The following GABPB2 variants were observed in gnomAD, a reference collection of about 807,000 sequenced individuals.
The protein encoded by GABPB2 is GA-binding protein subunit beta-2.
Under a neutral mutation model 39.1 loss-of-function variants are expected in GABPB2, and 23 were observed. That is an observed-to-expected ratio of 0.59 (90% CI 0.42 to 0.83). The LOEUF is 0.83. GABPB2 is among the 40% of genes least tolerant of loss of function. The pLI is 0.00. For synonymous variants in GABPB2, 184 were observed against 199.3 expected (o/e 0.92, Z 0.65); for missense variants, 467 against 541.1 (o/e 0.86, Z 1.36).
At chr1:151,111,392 C>A (rs2101561181) in intron 7 of GABPB2, among the ~76,000 whole-genome samples, 1 of 145,806 alleles carries the variant, frequency 6.9e-6, no homozygotes, top group African/African-American at 2.6e-5. Context: ...TACAAGGCGC[C>A]CACCACCGCC....
chr1:151,105,441 A>G (rs1436988661), intron 6 of GABPB2, among the ~76,000 whole-genome samples: 8 of 148,594 alleles, frequency 5.4e-5, no homozygotes, highest in Non-Finnish European at 1.0e-4. Flanking sequence ...TATATCAAAT[A>G]TATATACAAA....
chr1:151,075,013 A>C (rs1052416029), intron 1 of GABPB2, among the ~76,000 whole-genome samples: 10 of 152,088 alleles, frequency 6.6e-5, no homozygotes, highest in African/African-American at 2.4e-4. Flanking sequence ...GTAGTGGCAC[A>C]CGCCTGTAAT....
chr1:151,104,801 C>CTTTCTTTCTTTCT (rs1558151442), intron 6 of GABPB2, among the ~76,000 whole-genome samples: 5 of 19,314 alleles, frequency 2.6e-4, no homozygotes, highest in Non-Finnish European at 1.2e-3. Context: ...TTCTTTCTTT[C>CTTTCTTTCTTTCT]TTTTCTTTCT....
chr1:151,083,636 T>G (rs192435919), intron 1 of GABPB2, among the ~76,000 whole-genome samples: 1 of 149,196 alleles, frequency 6.7e-6, no homozygotes, highest in Non-Finnish European at 1.5e-5. Context: ...TCCGTCTCTA[T>G]AGAGAGAAAA....
chr1:151,099,495 C>G (rs1679358716), intron 5 of GABPB2, among the ~76,000 whole-genome samples: 1 of 152,206 alleles, frequency 6.6e-6, no homozygotes, highest in East Asian at 1.9e-4. Flanking sequence ...CGCACCTGGC[C>G]TATCAGTTAG....
intron 1 of GABPB2, among the ~76,000 whole-genome samples, chr1:151,083,674 T>C (rs182407553): frequency 2.6e-5 from 4 of 151,316 alleles, no homozygotes; most frequent in African/African-American, 9.7e-5. Context: ...TATATATGTA[T>C]ATATACTGTC....
chr1:151,090,419 C>T lies in GABPB2; in HGVS notation c.122C>T (p.Pro41Leu). ...ATTTTTCCACAGCTTGGAACATCAC[C>T]CCTCCACCTTGCAGCTCAATATGGT... is the stretch of plus-strand genomic sequence containing the variant. Reference protein sequence around the residue: ...PFTTDWLGTSPLHLAAQYGHY... With the variant: ...PFTTDWLGTSLLHLAAQYGHY... Residue 41 changes from proline (P) to leucine (L), a missense_variant, in exon 3 of 9, where the codon CCC becomes CTC. By Grantham distance (98) the Pro-to-Leu change is moderately conservative. Transcript: ENST00000368918. 1 of 1,613,912 alleles carries T rather than the reference C, an allele frequency of 6.2e-7. No individual in the cohort carries two copies. Among genetic ancestry groups the T allele is most frequent in the Non-Finnish European group, 8.5e-7 (1 of 1,179,922 alleles).
At chr1:151,088,405 A>G (rs886912111) in intron 2 of GABPB2, 108 bp downstream of exon 2, 6 of 1,240,326 alleles carry the variant, frequency 4.8e-6, no homozygotes, top group African/African-American at 1.5e-5. Flanking sequence ...TTTCTACCTC[A>G]TATCCCTTAC....
intron 5 of GABPB2, among the ~76,000 whole-genome samples, chr1:151,100,580 CTTTTTTTTTTTT>C (rs35251516): frequency 8.6e-5 from 4 of 46,724 alleles, no homozygotes; most frequent in South Asian, 1.3e-3. Flanking sequence ...TGTGCCTGGC[CTTTTTTTTTTTT>C]TTTTTTTTTT....
chr1:151,096,386 G>C (rs1397710724), intron 4 of GABPB2, among the ~76,000 whole-genome samples: 1 of 152,096 alleles, frequency 6.6e-6, no homozygotes, highest in Non-Finnish European at 1.5e-5. Context: ...CTGCACTCCA[G>C]CCTGGGCGAC....
Position 151,118,382 on chromosome 1 carries a change from T to C in GABPB2, c.*126T>C, listed in dbSNP as rs1681048006. 1.1e-6 allele frequency: 1 copy of C among 911,568 alleles called. No homozygotes were observed. Among genetic ancestry groups the C allele is most frequent in the South Asian group, 2.2e-5 (1 of 45,254 alleles). The allele number at this position is 911,568 out of a possible 1,614,324, so 56.5% of individuals were successfully genotyped here. A position where few individuals can be genotyped will look rare whatever the true frequency, so the allele number is the denominator to read the frequency against. Reference sequence around the variant, plus strand: ...AGAAGAAAACTATAGCAGGGTACAATGCTTGGGCTCAGGAAGTTTCTCTGT... The same window carrying C: ...AGAAGAAAACTATAGCAGGGTACAACGCTTGGGCTCAGGAAGTTTCTCTGT... On this transcript the variant is annotated 3_prime_UTR_variant, in exon 9 of 9. Coordinates refer to ENST00000368918, the MANE Select transcript of GABPB2 (RefSeq NM_144618.3).
At chr1:151,093,590 A>ATATATTTTT (rs587697621) in intron 4 of GABPB2, among the ~76,000 whole-genome samples, 1 of 149,488 alleles carries the variant, frequency 6.7e-6, no homozygotes, top group Non-Finnish European at 1.5e-5. Context: ...GTATACGCAT[A>ATATATTTTT]TATATTTTTT....
intron 2 of GABPB2, among the ~76,000 whole-genome samples, chr1:151,089,602 A>G (rs77008953): frequency 0.048 from 7,298 of 152,248 alleles, 291 homozygotes; most frequent in African/African-American, 0.1. Context: ...CAAATTCCAC[A>G]TGTAACTTTC....
At chr1:151,098,427 A>C (rs1285228603) in intron 5 of GABPB2, among the ~76,000 whole-genome samples, 1 of 151,764 alleles carries the variant, frequency 6.6e-6, no homozygotes, top group Non-Finnish European at 1.5e-5. Flanking sequence ...TCGTGAGCTC[A>C]GGAGTTGGAC....
rs775583892 is a variant in GABPB2, at chr1:151,118,208, G to T, written c.1299G>T (p.Gly433=). 4.3e-6 allele frequency: 7 copies of T among 1,614,098 alleles called. No individual in the cohort carries two copies. The highest frequency in any genetic ancestry group is 5.1e-6 in the Non-Finnish European group (6 of 1,180,026). Reference sequence around the variant, plus strand: ...AGACAAAAGTGACTGGGTCAGCAGGGACCACAGAGCCTCACACTAGAGTTT... The same window carrying T: ...AGACAAAAGTGACTGGGTCAGCAGGTACCACAGAGCCTCACACTAGAGTTT... ...ERETKVTGSA[G]TTEPHTRVSM... The change falls in exon 9 of 9, where the codon GGG becomes GGT. Residue 433 remains glycine (G), a synonymous_variant. Transcript: ENST00000368918.
chr1:151,078,885 TG>T (rs1677417054), intron 1 of GABPB2, among the ~76,000 whole-genome samples: 2 of 151,772 alleles, frequency 1.3e-5, no homozygotes, highest in Non-Finnish European at 2.9e-5. Context: ...TTGGCCAGGC[TG>T]GTCTCCAACT....
chr1:151,079,093 T>C (rs1677434153), intron 1 of GABPB2, among the ~76,000 whole-genome samples: 1 of 152,156 alleles, frequency 6.6e-6, no homozygotes, highest in African/African-American at 2.4e-5. Context: ...GAGGTAAATA[T>C]AGCACCCTAT....
intron 6 of GABPB2, among the ~76,000 whole-genome samples, chr1:151,104,802 T>TTTTCTTTCTTTCTTTC (rs1553266366): frequency 2.2e-5 from 3 of 139,360 alleles, no homozygotes; most frequent in African/African-American, 8.6e-5. Context: ...TCTTTCTTTC[T>TTTTCTTTCTTTCTTTC]TTTCTTTCTT....
intron 5 of GABPB2, among the ~76,000 whole-genome samples, chr1:151,098,656 G>A (rs1679287352): frequency 6.6e-6 from 1 of 152,038 alleles, no homozygotes; most frequent in African/African-American, 2.4e-5. Flanking sequence ...ATAAACATAA[G>A]CGGCTTTTGG....
Sources: gnomAD v4.1 joint callset for allele counts (sites outside exome capture counted in the v4.1 genomes callset) on GRCh38, gnomAD v4.1.1 for gene constraint, MANE v1.5 for transcripts, NCBI Gene and HGNC (gene_info 2026-07-23, HGNC 2026-07-21) for gene names.